RALGAPA1: variants seen among roughly 807,000 people sequenced by gnomAD.
The protein encoded by RALGAPA1 is ral GTPase-activating protein subunit alpha-1.
RALGAPA1 carries 52 observed loss-of-function variants against 269.6 expected under a neutral mutation model. The observed-to-expected ratio is 0.19, with a 90% CI of 0.15 to 0.24. The LOEUF (loss-of-function observed/expected upper bound fraction) is 0.24, where lower values mean the gene tolerates loss of function less well. Ranked by LOEUF, RALGAPA1 falls within the 10% of genes least tolerant of loss-of-function variation. The pLI is 1.00. For missense variants in RALGAPA1, 1,917 were observed against 3,013.9 expected, an observed-to-expected ratio of 0.64 and a Z score of 8.52; for synonymous variants, 817 against 1,008.3, an observed-to-expected ratio of 0.81 and a Z score of 3.60.
intron 37 of RALGAPA1, among the ~76,000 whole-genome samples, chr14:35,584,824 T>G (rs1437306307): frequency 1.3e-5 from 2 of 151,768 alleles, no homozygotes; most frequent in African/African-American, 4.8e-5. Flanking sequence ...TAGAAAACAG[T>G]AAAGAATATA....
intron 27 of RALGAPA1, among the ~76,000 whole-genome samples, chr14:35,660,651 T>A (rs1343868788): frequency 6.6e-6 from 1 of 152,114 alleles, no homozygotes; most frequent in Non-Finnish European, 1.5e-5. Context: ...TACTCCTATG[T>A]TCATTGCAGA....
chr14:35,681,401 C>G (rs930862263), intron 21 of RALGAPA1, among the ~76,000 whole-genome samples: 1 of 152,108 alleles, frequency 6.6e-6, no homozygotes, highest in African/African-American at 2.4e-5. Context: ...ATATAGGTTA[C>G]ATAAATATTA....
At chr14:35,755,447 T>A (rs1477374331) in intron 7 of RALGAPA1, among the ~76,000 whole-genome samples, 1 of 152,222 alleles carries the variant, frequency 6.6e-6, no homozygotes, top group African/African-American at 2.4e-5. Flanking sequence ...TTCATGGATG[T>A]ATACACATAA....
chr14:35,791,763 C>T (rs934270026), intron 1 of RALGAPA1, among the ~76,000 whole-genome samples: 3 of 149,182 alleles, frequency 2.0e-5, no homozygotes, highest in Non-Finnish European at 4.5e-5. Context: ...AAAATTAGCT[C>T]GGCGTGGTGG....
chr14:35,786,321 T>C (rs1302132145), intron 1 of RALGAPA1, among the ~76,000 whole-genome samples: 1 of 152,032 alleles, frequency 6.6e-6, no homozygotes, highest in African/African-American at 2.4e-5. Flanking sequence ...AGTGGCATCA[T>C]CTCCACTTCT....
intron 24 of RALGAPA1, among the ~76,000 whole-genome samples, 158 bp downstream of exon 24, chr14:35,674,022 G>GCA (rs1303409279): frequency 6.6e-6 from 1 of 152,102 alleles, no homozygotes; most frequent in Non-Finnish European, 1.5e-5. Context: ...ATTTTAGTAT[G>GCA]CACATTCTCT....
At chr14:35,759,911 C>CAA (rs34611097) in intron 6 of RALGAPA1, among the ~76,000 whole-genome samples, 25 of 93,418 alleles carry the variant, frequency 2.7e-4, no homozygotes, top group South Asian at 6.3e-4. Context: ...GATTCTATCT[C>CAA]AAAAAAAAAA....
At chr14:35,765,429 A>G (rs997322768) in intron 4 of RALGAPA1, among the ~76,000 whole-genome samples, 17 of 151,940 alleles carry the variant, frequency 1.1e-4, no homozygotes, top group Non-Finnish European at 1.6e-4. Flanking sequence ...TATATGATAT[A>G]TATTTGATAT....
chr14:35,677,892 TCTC>T, intron 22 of RALGAPA1, 55 bp downstream of exon 22: 1 of 1,499,800 alleles, frequency 6.7e-7, no homozygotes. Context: ...TTATTTATGA[TCTC>T]CTGACACTGA....
At chr14:35,542,182 G>T in intron 41 of RALGAPA1, 1 of 351,804 alleles carries the variant, frequency 2.8e-6, no homozygotes, top group African/African-American at 2.2e-5. Flanking sequence ...ATTGTCCAAT[G>T]TGGTAGCCAC....
At chr14:35,797,907 CTG>C (rs1261601544) in intron 1 of RALGAPA1, among the ~76,000 whole-genome samples, 1 of 150,334 alleles carries the variant, frequency 6.7e-6, no homozygotes, top group Non-Finnish European at 1.5e-5. Flanking sequence ...GGGTCTTGCT[CTG>C]TTGTCCAGGC....
chr14:35,756,770 A>G (rs781410063), intron 7 of RALGAPA1, 23 bp downstream of exon 7: 2 of 1,481,594 alleles, frequency 1.3e-6, no homozygotes, highest in Non-Finnish European at 1.9e-6. Context: ...AAGGAGTGTG[A>G]TATCAAAGAA....
chr14:35,646,374 C>G, intron 31 of RALGAPA1, among the ~76,000 whole-genome samples: 1 of 152,162 alleles, frequency 6.6e-6, no homozygotes, highest in East Asian at 1.9e-4. Flanking sequence ...TAGCACCAAT[C>G]AGTAATGAAA....
intron 37 of RALGAPA1, among the ~76,000 whole-genome samples, chr14:35,578,150 C>A (rs1470546882): frequency 1.3e-5 from 2 of 152,118 alleles, no homozygotes; most frequent in Admixed American, 6.6e-5. Flanking sequence ...ATGGTCTCTG[C>A]TAGCAAAGCT....
chr14:35,621,620 A>C (rs1287449110), intron 35 of RALGAPA1, among the ~76,000 whole-genome samples: 1 of 152,212 alleles, frequency 6.6e-6, no homozygotes, highest in Non-Finnish European at 1.5e-5. Context: ...CCCTTCTGAC[A>C]AAGGGCTAAT....
intron 3 of RALGAPA1, 29 bp from the exon 4 acceptor site, chr14:35,771,028 A>T (rs1417934999): frequency 9.8e-7 from 1 of 1,019,432 alleles, no homozygotes; most frequent in East Asian, 2.7e-5. Context: ...AGAAAAAAAG[A>T]AAAGAATAAA....
chr14:35,565,005 A>C (rs762046338), intron 39 of RALGAPA1, among the ~76,000 whole-genome samples: 2 of 152,142 alleles, frequency 1.3e-5, no homozygotes, highest in African/African-American at 4.8e-5. Flanking sequence ...CTCCTTGTTA[A>C]ATTATAAGCT....
At chr14:35,716,133 C>A (rs2068797530) in intron 16 of RALGAPA1, 2 of 974,386 alleles carry the variant, frequency 2.1e-6, no homozygotes, top group Non-Finnish European at 2.4e-6. Flanking sequence ...GTGGCTCATG[C>A]CTATAATCCC....
intron 35 of RALGAPA1, among the ~76,000 whole-genome samples, chr14:35,610,948 A>G (rs1410087610): frequency 6.6e-6 from 1 of 152,230 alleles, no homozygotes; most frequent in Non-Finnish European, 1.5e-5. Context: ...TATATTTTGA[A>G]AATTATAAAA....
Sources: gnomAD v4.1 joint callset for allele counts (sites outside exome capture counted in the v4.1 genomes callset) on GRCh38, gnomAD v4.1.1 for gene constraint, MANE v1.5 for transcripts, NCBI Gene and HGNC (gene_info 2026-07-23, HGNC 2026-07-21) for gene names.